RSPH6A: variants seen among roughly 807,000 people sequenced by gnomAD.
The protein encoded by RSPH6A is radial spoke head 6 homolog A.
Under a neutral mutation model 66.1 loss-of-function variants are expected in RSPH6A, and 49 were observed. That is an observed-to-expected ratio of 0.74 (90% CI 0.59 to 0.94). RSPH6A has a LOEUF of 0.94. Ranked by LOEUF, RSPH6A falls within the 40% of genes least tolerant of loss-of-function variation. The pLI, the probability that RSPH6A is intolerant of heterozygous loss-of-function variation, is 0.00. For missense variants in RSPH6A, 977 were observed against 948.3 expected (o/e 1.03, Z -0.40); for synonymous variants, 419 against 402.4 (o/e 1.04, Z -0.49).
rs546244758 is a variant in RSPH6A, at chr19:45,805,402, TAA to T, written c.889-388_889-387del. On this transcript the variant is annotated intron_variant, in intron 2 of 5. Transcript: ENST00000221538. Reference sequence around the variant, plus strand: ...CAAAGTGAGACACGGTCTCAAAAAATAAAAAGAGGCCTGATGTGGTGGCTCAC... The same window carrying T: ...CAAAGTGAGACACGGTCTCAAAAAATAAAGAGGCCTGATGTGGTGGCTCAC... Among the ~76,000 whole-genome samples the T allele has an allele frequency of 2.1e-3, 287 of 139,352 alleles. 2 individuals carry two copies. Among genetic ancestry groups the T allele is most frequent in the African/African-American group, 7.5e-3 (277 of 36,704 alleles). 91.4% of individuals were successfully genotyped at this position (139,352 alleles called of 152,430 possible). A position where few individuals can be genotyped will look rare whatever the true frequency, so the allele number is the denominator to read the frequency against.
intron 2 of RSPH6A, among the ~76,000 whole-genome samples, chr19:45,810,247 GC>G (rs71175224): frequency 0.87 from 132,735 of 151,914 alleles, 58,218 homozygotes; most frequent in African/African-American, 0.95. Context: ...TCGGCTCACT[GC>G]CAAGCTCCGC....
At chr19:45,806,149 C>T (rs1428445309) in intron 2 of RSPH6A, among the ~76,000 whole-genome samples, 4 of 152,174 alleles carry the variant, frequency 2.6e-5, no homozygotes, top group African/African-American at 9.7e-5. Flanking sequence ...AGGGAGAAGA[C>T]AGGTCTCGAA....
chr19:45,804,747 C>T lies in RSPH6A; in HGVS notation c.1158G>A (p.Ala386=), dbSNP rs150763678. The T allele has an allele frequency of 6.2e-7, 1 of 1,612,542 alleles. No individual in the cohort carries two copies. ...CCTCCTCGCCCTCCTCCTCGCCGTG[C>T]GCCTCCATGACCTCGCCACCTTCCG... ...EMTEGGEVME[A]HGEEEGEEDE... is the part of the protein sequence containing the mutation. Residue 386 remains alanine (A), a synonymous_variant, in exon 3 of 6, where the codon GCG becomes GCA. Coordinates refer to ENST00000221538, the MANE Select transcript of RSPH6A (RefSeq NM_030785.4). This position sits in a 1 kb window ranked among gnomAD's most constrained non-coding sequence, Gnocchi z 5.8.
At chr19:45,803,210 GA>G (rs537694212) in intron 3 of RSPH6A, among the ~76,000 whole-genome samples, 225 of 104,076 alleles carry the variant, frequency 2.2e-3, no homozygotes, top group Middle Eastern at 5.7e-3. Flanking sequence ...CTCCGTCTCA[GA>G]AAAAAAAAAA....
chr19:45,804,203 G>C lies in RSPH6A; in HGVS notation c.1653+49C>G. 1 of 1,474,202 alleles carries C rather than the reference G, an allele frequency of 6.8e-7. No homozygotes were observed. Among genetic ancestry groups the C allele is most frequent in the Non-Finnish European group, 9.3e-7 (1 of 1,076,024 alleles). The allele number at this position is 1,474,202 out of a possible 1,614,324, so 91.3% of individuals were successfully genotyped here. ...ATGTCAGTATTGCAGGGTCATGCGTGAGCCCCCTGCTCCTGCCGTTTGTGA... is the reference window on the plus strand; with the variant it reads ...ATGTCAGTATTGCAGGGTCATGCGTCAGCCCCCTGCTCCTGCCGTTTGTGA... On this transcript the variant is annotated intron_variant, in intron 3 of 5. Transcript: ENST00000221538. The surrounding 1 kb of genome is among the most constrained non-coding windows in gnomAD (Gnocchi z 5.8).
intron 2 of RSPH6A, among the ~76,000 whole-genome samples, chr19:45,808,680 T>A (rs1264156036): frequency 3.4e-4 from 27 of 79,614 alleles, no homozygotes; most frequent in African/African-American, 1.4e-3. Context: ...TTTTTTTTTT[T>A]AGACAGACTC....
In RSPH6A at chr19:45,804,425, C is replaced by A. The variant is rs1568599075; in HGVS notation, c.1480G>T (p.Val494Phe). ...AACTGGTAGAAGCCCAGCGGGCTGACCTGCGTGGCGGCCGAGATGCGGGCT... is the reference window on the plus strand; with the variant it reads ...AACTGGTAGAAGCCCAGCGGGCTGAACTGCGTGGCGGCCGAGATGCGGGCT... ...QIARISAATQ[V>F]SPLGFYQFSE... is the part of the protein sequence containing the mutation. Residue 494 changes from valine (V) to phenylalanine (F), a missense_variant, in exon 3 of 6, where the codon GTC becomes TTC. Physicochemically the swap from Val to Phe is conservative, Grantham distance 50. Transcript: ENST00000221538. The surrounding 1 kb of genome is among the most constrained non-coding windows in gnomAD (Gnocchi z 5.8). 2 of 1,614,022 alleles carry A rather than the reference C, an allele frequency of 1.2e-6. No homozygotes were observed. The highest frequency in any genetic ancestry group is 8.5e-7 in the Non-Finnish European group (1 of 1,180,034).
intron 2 of RSPH6A, among the ~76,000 whole-genome samples, chr19:45,805,424 G>A (rs1287492737): frequency 6.6e-6 from 1 of 151,796 alleles, no homozygotes; most frequent in Non-Finnish European, 1.5e-5. Flanking sequence ...TGATGTGGTG[G>A]CTCACGCCTG....
Position 45,815,289 on chromosome 19 carries a change from C to A in RSPH6A, c.-113G>T. 1 of 1,256,234 alleles carries A rather than the reference C, an allele frequency of 8.0e-7. No individual in the cohort carries two copies. 77.8% of individuals were successfully genotyped at this position (1,256,234 alleles called of 1,614,324 possible). A position where few individuals can be genotyped will look rare whatever the true frequency, so the allele number is the denominator to read the frequency against. Reference sequence around the variant, plus strand: ...GAGCACCGAGAGAGGGGGCCGTTACCCGTGGAGGGCGCGGGGAGCGGGCCA... The same window carrying A: ...GAGCACCGAGAGAGGGGGCCGTTACACGTGGAGGGCGCGGGGAGCGGGCCA... On this transcript the variant is annotated 5_prime_UTR_variant, in exon 1 of 6. Coordinates refer to ENST00000221538, the MANE Select transcript of RSPH6A (RefSeq NM_030785.4).
At chr19:45,799,261 C>G (rs1481682199) in intron 5 of RSPH6A, among the ~76,000 whole-genome samples, 1 of 137,380 alleles carries the variant, frequency 7.3e-6, no homozygotes, top group African/African-American at 2.7e-5. Context: ...CCCCCTGTCA[C>G]GCAGCAGGGC....
chr19:45,803,993 C>CAAAAAAAAAAAAA (rs55863032), intron 3 of RSPH6A, among the ~76,000 whole-genome samples: 1 of 103,474 alleles, frequency 9.7e-6, no homozygotes, highest in South Asian at 3.1e-4. Context: ...GACTCTGTCT[C>CAAAAAAAAAAAAA]AAAAAAAAAA....
intron 1 of RSPH6A, among the ~76,000 whole-genome samples, chr19:45,811,745 A>ATTAT (rs1970631275): frequency 7.1e-5 from 1 of 14,122 alleles, no homozygotes; most frequent in Non-Finnish European, 1.4e-4. Context: ...CAACATTTGT[A>ATTAT]TTATTATTAT....
At chr19:45,801,793 C>CA (rs1555791249) in intron 4 of RSPH6A, among the ~76,000 whole-genome samples, 27 of 149,702 alleles carry the variant, frequency 1.8e-4, no homozygotes, top group Admixed American at 4.0e-4. Flanking sequence ...ACCACCACCA[C>CA]CACACACACA....
intron 3 of RSPH6A, among the ~76,000 whole-genome samples, chr19:45,803,919 G>C (rs1025434518): frequency 1.1e-4 from 16 of 150,514 alleles, no homozygotes; most frequent in African/African-American, 3.7e-4. Context: ...CTTGAACCCA[G>C]GAGGTGGAGG....
chr19:45,812,899 TTGGCCAGGC>T (rs1446513267), intron 1 of RSPH6A, among the ~76,000 whole-genome samples: 1 of 152,056 alleles, frequency 6.6e-6, no homozygotes, highest in African/African-American at 2.4e-5. Context: ...TTTTGCCATG[TTGGCCAGGC>T]TGGTCTTGAA....
intron 3 of RSPH6A, among the ~76,000 whole-genome samples, chr19:45,803,536 C>T (rs1214684354): frequency 2.6e-5 from 4 of 151,844 alleles, no homozygotes; most frequent in Admixed American, 6.6e-5. Context: ...ATTAGTTGGG[C>T]GTGATGGCAC....
intron 1 of RSPH6A, among the ~76,000 whole-genome samples, chr19:45,814,243 T>G (rs1391267202): frequency 6.6e-6 from 1 of 152,134 alleles, no homozygotes; most frequent in Non-Finnish European, 1.5e-5. Context: ...TGTGTAGTTT[T>G]GGGTAAGCGA....
At chr19:45,799,833 G>A (rs769017820) in intron 5 of RSPH6A, among the ~76,000 whole-genome samples, 2 of 152,174 alleles carry the variant, frequency 1.3e-5, no homozygotes, top group Non-Finnish European at 2.9e-5. Context: ...GATCACTCGA[G>A]GTCAGGAGTC....
rs1970480622 is a variant in RSPH6A, at chr19:45,802,102, C to T, written c.1798+18G>A. On this transcript the variant is annotated intron_variant, in intron 4 of 5. Transcript: ENST00000221538. ...CCCTCCCCAGCCAGTGGTGTACAGGCTGAGAGGGCTTCCTTACCTGCATCT... is the reference window on the plus strand; with the variant it reads ...CCCTCCCCAGCCAGTGGTGTACAGGTTGAGAGGGCTTCCTTACCTGCATCT... 1 of 1,489,054 alleles carries T rather than the reference C, an allele frequency of 6.7e-7. No homozygotes were observed. The highest frequency in any genetic ancestry group is 1.9e-5 in the Admixed American group (1 of 53,204). 92.2% of individuals were successfully genotyped at this position (1,489,054 alleles called of 1,614,324 possible). A position where few individuals can be genotyped will look rare whatever the true frequency, so the allele number is the denominator to read the frequency against.
Sources: allele counts gnomAD v4.1 joint callset (sites outside exome capture counted in the v4.1 genomes callset), GRCh38; gene constraint gnomAD v4.1.1; non-coding constraint Gnocchi (gnomAD v3.1); transcripts MANE v1.5; gene names NCBI Gene and HGNC (gene_info 2026-07-23, HGNC 2026-07-21).